CPAMD8: variants seen among roughly 807,000 people sequenced by gnomAD.
CPAMD8 encodes the protein C3 and PZP like alpha-2-macroglobulin domain containing 8, also known as C3 and PZP-like alpha-2-macroglobulin domain-containing protein 8.
In CPAMD8, 146 loss-of-function variants were observed where a neutral mutation model predicts 224.7. That is an observed-to-expected ratio of 0.65 (90% CI 0.57 to 0.75). CPAMD8 has a LOEUF of 0.75. CPAMD8 is among the 30% of genes least tolerant of loss of function. CPAMD8 has a pLI of 0.00. For synonymous variants in CPAMD8, 966 were observed against 1,044.6 expected, an observed-to-expected ratio of 0.92 and a Z score of 1.45; for missense variants, 2,301 against 2,537.5, an observed-to-expected ratio of 0.91 and a Z score of 2.00.
intron 19 of CPAMD8, 119 bp downstream of exon 19, chr19:16,957,734 C>A: frequency 1.1e-6 from 1 of 874,390 alleles, no homozygotes; most frequent in Non-Finnish European, 1.9e-6. Flanking sequence ...AAAAGATGCA[C>A]AGTGTCTTGC....
chr19:16,991,946 A>G (rs1474270243), intron 12 of CPAMD8, among the ~76,000 whole-genome samples: 2 of 152,096 alleles, frequency 1.3e-5, no homozygotes, highest in Admixed American at 1.3e-4. Flanking sequence ...GCGTGAACCC[A>G]TCTGGCTGTG....
Position 16,967,811 on chromosome 19 carries a change from C to CAA in CPAMD8, c.2213+3078_2213+3079dup, listed in dbSNP as rs11413549. On this transcript the variant is annotated intron_variant, in intron 18 of 41. Coordinates refer to ENST00000443236, the MANE Select transcript of CPAMD8 (RefSeq NM_015692.5). ...GCAACAGAGTGAGACTCTGTCTCAC[C>CAA]AAAATATATATATATATGTATATAT... Among the ~76,000 whole-genome samples, 214 of 102,564 alleles carry CAA rather than the reference C, an allele frequency of 2.1e-3. 2 individuals carry two copies. In the Middle Eastern group the frequency reaches 0.025, roughly 12 times the overall value. The allele number at this position is 102,564 out of a possible 152,430, so 67.3% of individuals were successfully genotyped here. A position where few individuals can be genotyped will look rare whatever the true frequency, so the allele number is the denominator to read the frequency against.
intron 18 of CPAMD8, among the ~76,000 whole-genome samples, chr19:16,964,324 T>A (rs1434328658): frequency 6.6e-6 from 1 of 151,278 alleles, no homozygotes; most frequent in East Asian, 1.9e-4. Flanking sequence ...GAGAGAAGAA[T>A]CAAATAGACG....
chr19:17,004,504 G>A (rs2056429140), intron 7 of CPAMD8, 118 bp from the exon 8 acceptor site: 1 of 649,144 alleles, frequency 1.5e-6, no homozygotes, highest in Admixed American at 2.7e-5. Flanking sequence ...CAGGAGAACT[G>A]GAGACCACAG....
chr19:17,002,191 C>T, intron 9 of CPAMD8, 75 bp downstream of exon 9: 1 of 1,003,624 alleles, frequency 1.0e-6, no homozygotes, highest in South Asian at 1.4e-5. Context: ...AGGGGAACGA[C>T]CTTGAGGGAG....
In CPAMD8 at chr19:16,926,270, C is replaced by A. The variant is rs75106035; in HGVS notation, c.3371-898G>T. On this transcript the variant is annotated intron_variant, in intron 25 of 41. Transcript: ENST00000443236. Reference sequence around the variant, plus strand: ...ATATTTCTGATGGACCCCCCTGGGACCCCCAATGTCCCCTGAACACACCTT... The same window carrying A: ...ATATTTCTGATGGACCCCCCTGGGAACCCCAATGTCCCCTGAACACACCTT... 0.041 allele frequency among the ~76,000 whole-genome samples: 6,177 copies of A among 151,146 alleles called. 635 individuals carry two copies. In the East Asian group the frequency reaches 0.46, roughly 11 times the overall value.
At chr19:16,916,749 G>GAATA (rs773127779) in intron 27 of CPAMD8, among the ~76,000 whole-genome samples, 149 of 151,900 alleles carry the variant, frequency 9.8e-4, no homozygotes, top group Non-Finnish European at 1.8e-3. Flanking sequence ...AGACAAAAAA[G>GAATA]AATAAATAAA....
chr19:17,002,661 C>T (rs903767369), intron 8 of CPAMD8: 2 of 239,940 alleles, frequency 8.3e-6, no homozygotes, highest in Non-Finnish European at 1.6e-5. Flanking sequence ...TCCTCCTAGC[C>T]CCTGTGTCTG....
At chr19:17,025,284 C>T (rs751002309) in intron 1 of CPAMD8, among the ~76,000 whole-genome samples, 3 of 152,054 alleles carry the variant, frequency 2.0e-5, no homozygotes, top group Non-Finnish European at 2.9e-5. Flanking sequence ...TGGTGGCACA[C>T]GCCTGTAATC....
intron 27 of CPAMD8, among the ~76,000 whole-genome samples, chr19:16,916,964 G>A (rs574421040): frequency 6.6e-6 from 1 of 152,244 alleles, no homozygotes; most frequent in South Asian, 2.1e-4. Flanking sequence ...GGGCACGGCA[G>A]GGAAAGGAGG....
chr19:17,020,305 TATGATTTTAAAA>T lies in CPAMD8; in HGVS notation c.267+14_267+25del. On this transcript the variant is annotated intron_variant, in intron 3 of 41. Coordinates refer to ENST00000443236, the MANE Select transcript of CPAMD8 (RefSeq NM_015692.5). ...AATTCTTTATTTCCAAGGTCAGGTTTATGATTTTAAAAATCAACGGCTTACCTTGAGTTTGAT... is the reference window on the plus strand; with the variant it reads ...AATTCTTTATTTCCAAGGTCAGGTTTATCAACGGCTTACCTTGAGTTTGAT... 1 of 1,545,466 alleles carries T rather than the reference TATGATTTTAAAA, an allele frequency of 6.5e-7. No homozygotes were observed. Among genetic ancestry groups the T allele is most frequent in the African/African-American group, 1.4e-5 (1 of 73,514 alleles).
chr19:17,017,182 T>C (rs1486794635), intron 3 of CPAMD8, among the ~76,000 whole-genome samples: 1 of 152,202 alleles, frequency 6.6e-6, no homozygotes, highest in Non-Finnish European at 1.5e-5. Context: ...CTAGATTGCA[T>C]GCTCTTTATG....
intron 23 of CPAMD8, among the ~76,000 whole-genome samples, chr19:16,935,518 G>T (rs1270504687): frequency 6.6e-6 from 1 of 152,042 alleles, no homozygotes; most frequent in Non-Finnish European, 1.5e-5. Flanking sequence ...TATCTTTTGG[G>T]ATTTTCTTCC....
At chr19:16,906,899 C>A in intron 30 of CPAMD8, 53 bp downstream of exon 30, 1 of 1,512,864 alleles carries the variant, frequency 6.6e-7, no homozygotes, top group Non-Finnish European at 9.0e-7. Context: ...TTACCAGACT[C>A]CACAGTGGGC....
rs762960173 is a variant in CPAMD8, at chr19:16,975,143, A to G, written c.2024T>C (p.Phe675Ser). ...TAQRRRRSSV[F>S]PWPWGITKDS... The stretch of plus-strand genomic sequence containing the variant: ...CTTGGTGATGCCCCAAGGCCACGGG[A>G]AGACAGAGGAGCGCCGGCGTCGTTG... Residue 675 changes from phenylalanine (F) to serine (S), a missense_variant, in exon 17 of 42, where the codon TTC becomes TCC. Phe to Ser is a radical substitution (Grantham distance 155). Around this residue, in one of 4 missense-constraint regions of CPAMD8, gnomAD observed 1,709 missense variants for 1,753.2 expected, o/e 0.97. Coordinates refer to ENST00000443236, the MANE Select transcript of CPAMD8 (RefSeq NM_015692.5). 2.0e-5 allele frequency: 33 copies of G among 1,612,986 alleles called. No individual in the cohort carries two copies. The highest frequency in any genetic ancestry group is 2.6e-5 in the Non-Finnish European group (31 of 1,179,718).
chr19:16,895,884 T>C (rs1568441914), intron 41 of CPAMD8: 1 of 528,334 alleles, frequency 1.9e-6, no homozygotes, highest in Non-Finnish European at 3.6e-6. Flanking sequence ...TTGACCCGTA[T>C]GCGCGCGCGC....
intron 29 of CPAMD8, chr19:16,907,636 C>T (rs1389837646): frequency 6.6e-6 from 1 of 150,388 alleles, no homozygotes; most frequent in Non-Finnish European, 1.5e-5. Context: ...CAGACAGCAT[C>T]TTACTCTGTT....
At chr19:17,013,691 T>C (rs76133902) in intron 3 of CPAMD8, among the ~76,000 whole-genome samples, 2,057 of 151,666 alleles carry the variant, frequency 0.014, 41 homozygotes, top group African/African-American at 0.048. Context: ...GGGTCTTCTT[T>C]TGCGGGGATA....
intron 3 of CPAMD8, 38 bp from the exon 4 acceptor site, chr19:17,011,795 C>T (rs1288536929): frequency 1.3e-6 from 2 of 1,599,610 alleles, no homozygotes; most frequent in East Asian, 4.5e-5. Context: ...CAAGAATTCA[C>T]CCTGGAATGG....
Sources: allele counts gnomAD v4.1 joint callset (sites outside exome capture counted in the v4.1 genomes callset), GRCh38; gene constraint gnomAD v4.1.1; regional missense constraint gnomAD v4.1.1; transcripts MANE v1.5; gene names NCBI Gene and HGNC (gene_info 2026-07-23, HGNC 2026-07-21).